PCDHGB2: variants seen among roughly 807,000 people sequenced by gnomAD.
PCDHGB2 encodes the protein protocadherin gamma-B2.
Under a neutral mutation model 59.3 loss-of-function variants are expected in PCDHGB2, and 55 were observed. That is an observed-to-expected ratio of 0.93 (90% CI 0.75 to 1.16). PCDHGB2 has a LOEUF of 1.16. Ranked by LOEUF, PCDHGB2 falls within the 50% of genes most tolerant of loss-of-function variation. The pLI, the probability that PCDHGB2 is intolerant of heterozygous loss-of-function variation, is 0.00. For missense variants in PCDHGB2, 1,228 were observed against 1,198.5 expected, an observed-to-expected ratio of 1.02 and a Z score of -0.36; for synonymous variants, 516 against 512.0, an observed-to-expected ratio of 1.01 and a Z score of -0.11.
Position 141,487,070 on chromosome 5 carries a change from C to T in PCDHGB2, c.2422-7737C>T. ...TGCTGGGGAGGTGCGGACGGCTGTT[C>T]CTATCCCAGCTGACCTCCCACCACA... On this transcript the variant is annotated intron_variant, in intron 1 of 3. Coordinates refer to ENST00000522605, the MANE Select transcript of PCDHGB2 (RefSeq NM_018923.3). This position sits in a 1 kb window ranked among gnomAD's most constrained non-coding sequence, Gnocchi z 5.0. The T allele has an allele frequency of 6.2e-7, 1 of 1,614,154 alleles. No homozygotes were observed. Among genetic ancestry groups the T allele is most frequent in the Non-Finnish European group, 8.5e-7 (1 of 1,180,008 alleles).
intron 1 of PCDHGB2, chr5:141,399,419 G>T (rs778389329): frequency 6.2e-7 from 1 of 1,614,000 alleles, no homozygotes; most frequent in Admixed American, 1.7e-5. Context: ...CTCTCCTCCA[G>T]CATAAGCGTC....
intron 1 of PCDHGB2, chr5:141,433,070 C>T: frequency 6.2e-7 from 1 of 1,614,174 alleles, no homozygotes; most frequent in Non-Finnish European, 8.5e-7. Flanking sequence ...CCTGATCTTC[C>T]CCCAGCCCAA....
Position 141,450,757 on chromosome 5 carries a change from G to A in PCDHGB2, c.2422-44050G>A, listed in dbSNP as rs575351311. Among the ~76,000 whole-genome samples, 5 of 151,964 alleles carry A rather than the reference G, an allele frequency of 3.3e-5. No individual in the cohort carries two copies. In the East Asian group the frequency reaches 9.7e-4, roughly 29 times the overall value. ...CCGCCTTGGCCTCCCAAAGTGCCGG[G>A]ATTACAGGCATGAGCCACCGTGCCC... On this transcript the variant is annotated intron_variant, in intron 1 of 3. Coordinates refer to ENST00000522605, the MANE Select transcript of PCDHGB2 (RefSeq NM_018923.3).
At chr5:141,467,565 C>A (rs2154569547) in intron 1 of PCDHGB2, among the ~76,000 whole-genome samples, 1 of 152,302 alleles carries the variant, frequency 6.6e-6, no homozygotes, top group East Asian at 1.9e-4. Context: ...TCCCAAATGG[C>A]TATCCAGTTG....
chr5:141,394,080 A>G (rs766939528), intron 1 of PCDHGB2: 2 of 1,613,920 alleles, frequency 1.2e-6, no homozygotes, highest in Non-Finnish European at 1.7e-6. Flanking sequence ...TATCACAGTG[A>G]TGGCCTCAGA....
chr5:141,410,255 C>T (rs758117248), intron 1 of PCDHGB2: 26 of 1,614,030 alleles, frequency 1.6e-5, no homozygotes, highest in Non-Finnish European at 1.9e-5. Flanking sequence ...CTCTGACCCC[C>T]AGGCTGAACT....
At position 141,402,911 on chromosome 5, in the gene PCDHGB2, C is replaced by CT. The variant is rs2094320554; in HGVS notation, c.2421+40355_2421+40356insT. 6 of 1,551,858 alleles carry CT rather than the reference C, an allele frequency of 3.9e-6. No homozygotes were observed. In the African/African-American group the frequency reaches 8.2e-5, roughly 21 times the overall value. ...GAAGAAAGAACCTGATGAAGCAGCG[C>CT]GCACAGAGATCCTTTTGAGAAAATT... On this transcript the variant is annotated intron_variant, in intron 1 of 3. Coordinates refer to ENST00000522605, the MANE Select transcript of PCDHGB2 (RefSeq NM_018923.3).
At chr5:141,504,660 C>T (rs1002186811) in intron 2 of PCDHGB2, among the ~76,000 whole-genome samples, 8 of 101,980 alleles carry the variant, frequency 7.8e-5, no homozygotes, top group Admixed American at 5.7e-4. Flanking sequence ...TGTTTGAGGG[C>T]GGGGGGTGGG....
chr5:141,444,240 C>T (rs1017550385), intron 1 of PCDHGB2, among the ~76,000 whole-genome samples: 4 of 128,690 alleles, frequency 3.1e-5, no homozygotes, highest in African/African-American at 5.9e-5. Context: ...GGCATGCTCT[C>T]GGCTCACTGC....
At chr5:141,365,300 G>A in intron 1 of PCDHGB2, 1 of 1,614,010 alleles carries the variant, frequency 6.2e-7, no homozygotes, top group South Asian at 1.1e-5. Flanking sequence ...AGCTCAGGAT[G>A]GAGGCGCTCT....
In PCDHGB2 at chr5:141,375,715, C is replaced by T. The variant is rs773544417; in HGVS notation, c.2421+13159C>T. 3.7e-6 allele frequency: 6 copies of T among 1,614,284 alleles called. 1 individual carries two copies. Among genetic ancestry groups the T allele is most frequent in the Non-Finnish European group, 5.1e-6 (6 of 1,180,050 alleles). Reference sequence around the variant, plus strand: ...ACAGCGGGGACCCGCCTCTTAGCAGCAACGTGTCACTGAGCCTGTTTGTGC... The same window carrying T: ...ACAGCGGGGACCCGCCTCTTAGCAGTAACGTGTCACTGAGCCTGTTTGTGC... On this transcript the variant is annotated intron_variant, in intron 1 of 3. Coordinates refer to ENST00000522605, the MANE Select transcript of PCDHGB2 (RefSeq NM_018923.3).
chr5:141,488,497 C>T (rs1054409265), intron 1 of PCDHGB2, among the ~76,000 whole-genome samples: 3 of 152,204 alleles, frequency 2.0e-5, no homozygotes, highest in South Asian at 2.1e-4. Flanking sequence ...CTGTAACACT[C>T]ATTCCACATT....
chr5:141,390,965 A>G (rs2092279401), intron 1 of PCDHGB2: 1 of 152,252 alleles, frequency 6.6e-6, no homozygotes, highest in Admixed American at 6.5e-5. Context: ...TACTTGTAAC[A>G]TAGGAGTTTC....
intron 1 of PCDHGB2, chr5:141,382,884 G>C: frequency 6.5e-7 from 1 of 1,529,218 alleles, no homozygotes; most frequent in South Asian, 1.3e-5. Flanking sequence ...GCCTAAGCAA[G>C]AGAAGCAGGA....
At chr5:141,379,831 C>T (rs1242791393) in intron 1 of PCDHGB2, among the ~76,000 whole-genome samples, 3 of 142,262 alleles carry the variant, frequency 2.1e-5, no homozygotes, top group Non-Finnish European at 4.5e-5. Context: ...TTTGAAGCAT[C>T]AGGAAAAAAA....
chr5:141,409,831 C>T (rs1015263434), intron 1 of PCDHGB2: 2 of 1,611,128 alleles, frequency 1.2e-6, no homozygotes, highest in Non-Finnish European at 1.7e-6. Flanking sequence ...CCACGCTCAG[C>T]GCCAACGTGA....
intron 1 of PCDHGB2, among the ~76,000 whole-genome samples, chr5:141,463,418 C>T (rs1442067485): frequency 3.6e-5 from 5 of 138,240 alleles, no homozygotes; most frequent in Admixed American, 2.9e-4. Flanking sequence ...TCCTAGTTTG[C>T]GGATCCTCAT....
intron 1 of PCDHGB2, among the ~76,000 whole-genome samples, chr5:141,400,820 G>A (rs1419111099): frequency 6.6e-6 from 1 of 152,082 alleles, no homozygotes; most frequent in African/African-American, 2.4e-5. Context: ...TTACCTATTC[G>A]TTGTCTCATT....
chr5:141,409,881 C>T (rs2095330257), intron 1 of PCDHGB2: 1 of 1,612,978 alleles, frequency 6.2e-7, no homozygotes, highest in Non-Finnish European at 8.5e-7. Context: ...GACAACGCAC[C>T]GCGGGTGCTG....
Sources: allele counts gnomAD v4.1 joint callset (sites outside exome capture counted in the v4.1 genomes callset), GRCh38; gene constraint gnomAD v4.1.1; non-coding constraint Gnocchi (gnomAD v3.1); transcripts MANE v1.5; gene names NCBI Gene and HGNC (gene_info 2026-07-23, HGNC 2026-07-21).